Variants in RSU1 observed in about 807,000 individuals in gnomAD.
The protein encoded by RSU1 is rsu-1.
In RSU1, 26 loss-of-function variants were observed where a neutral mutation model predicts 31.1. That is an observed-to-expected ratio of 0.84 (90% CI 0.61 to 1.16). RSU1 has a LOEUF of 1.16. Among genes scored for constraint, RSU1 ranks in the 50% most tolerant of loss-of-function variants. RSU1 has a pLI of 0.00. For synonymous variants in RSU1, 164 were observed against 136.3 expected (o/e 1.20, Z -1.41); for missense variants, 320 against 339.1 (o/e 0.94, Z 0.44).
At chr10:16,707,437 T>C (rs66837659) in intron 7 of RSU1, among the ~76,000 whole-genome samples, 20,900 of 152,160 alleles carry the variant, frequency 0.14, 1,619 homozygotes, top group Middle Eastern at 0.19. Context: ...TGAGGTGGTA[T>C]TTTATCGTGG....
At chr10:16,652,194 G>A (rs1834696224) in intron 8 of RSU1, among the ~76,000 whole-genome samples, 1 of 152,030 alleles carries the variant, frequency 6.6e-6, no homozygotes, top group Non-Finnish European at 1.5e-5. Flanking sequence ...GCATCACCTG[G>A]AAATGAGGAA....
rs114847417 is a variant in RSU1 at position 16,643,474 on chromosome 10, A to G, written c.732-49978T>C. 3.3e-3 allele frequency among the ~76,000 whole-genome samples: 510 copies of G among 152,340 alleles called. 4 individuals carry two copies. The highest frequency in any genetic ancestry group is 0.012 in the African/African-American group (485 of 41,568). ...AAAATATATAAATTATATATTACAT[A>G]CAAAATTAGGTTAGAAACAAGTATA... On this transcript the variant is annotated intron_variant, in intron 8 of 8. Coordinates refer to ENST00000345264, the MANE Select transcript of RSU1 (RefSeq NM_012425.4).
At chr10:16,679,056 C>T in intron 8 of RSU1, among the ~76,000 whole-genome samples, 1 of 152,058 alleles carries the variant, frequency 6.6e-6, no homozygotes, top group East Asian at 1.9e-4. Context: ...TAACGAAGCA[C>T]CATAGGGAAG....
intron 7 of RSU1, among the ~76,000 whole-genome samples, chr10:16,718,097 TAAAAA>T (rs11411668): frequency 7.3e-6 from 1 of 136,202 alleles, no homozygotes; most frequent in African/African-American, 2.7e-5. Flanking sequence ...TCAATTTATT[TAAAAA>T]AAAAAAAAAA....
At chr10:16,596,539 C>T (rs1211166673) in intron 8 of RSU1, among the ~76,000 whole-genome samples, 1 of 152,172 alleles carries the variant, frequency 6.6e-6, no homozygotes, top group Non-Finnish European at 1.5e-5. Flanking sequence ...CCTCACCTGG[C>T]AGGAAGCAAG....
At chr10:16,662,888 AT>A (rs1192847858) in intron 8 of RSU1, among the ~76,000 whole-genome samples, 1 of 152,138 alleles carries the variant, frequency 6.6e-6, no homozygotes, top group Non-Finnish European at 1.5e-5. Context: ...GAAGTTAAAG[AT>A]AAGATTAAAT....
At position 16,814,231 on chromosome 10, in the gene RSU1, G is replaced by C. The variant is rs146974232; in HGVS notation, c.109+2742C>G. 4.7e-3 allele frequency among the ~76,000 whole-genome samples: 722 copies of C among 152,214 alleles called. 6 individuals are homozygous for C. The highest frequency in any genetic ancestry group is 0.017 in the African/African-American group (692 of 41,530). On this transcript the variant is annotated intron_variant, in intron 2 of 8. Transcript: ENST00000345264. ...AAGATGGGGGCACTCCTTGAGCCCA[G>C]GAGTTTGAGGCCAGCCTGGGCAGCA...
At chr10:16,734,465 G>A (rs531681087) in intron 7 of RSU1, among the ~76,000 whole-genome samples, 4 of 152,274 alleles carry the variant, frequency 2.6e-5, no homozygotes, top group Admixed American at 6.5e-5. Context: ...TATTTGGGGC[G>A]GGAATTCTGC....
chr10:16,814,451 GAAAAAAAAAAA>G (rs369214166), intron 2 of RSU1, among the ~76,000 whole-genome samples: 2 of 121,202 alleles, frequency 1.7e-5, no homozygotes, highest in African/African-American at 6.6e-5. Context: ...CTGTTTTCAG[GAAAAAAAAAAA>G]AAAAAAGAAA....
intron 8 of RSU1, among the ~76,000 whole-genome samples, chr10:16,690,495 C>A (rs1015630702): frequency 6.6e-6 from 1 of 152,190 alleles, no homozygotes; most frequent in Non-Finnish European, 1.5e-5. Context: ...AAGAACTATA[C>A]CTCACCATCC....
At chr10:16,609,839 TG>T (rs1367880012) in intron 8 of RSU1, among the ~76,000 whole-genome samples, 1 of 152,248 alleles carries the variant, frequency 6.6e-6, no homozygotes, top group Non-Finnish European at 1.5e-5. Context: ...TCTCATAAGC[TG>T]TTTCTAAAAT....
chr10:16,710,348 T>C (rs77242771), intron 7 of RSU1, among the ~76,000 whole-genome samples: 203 of 152,364 alleles, frequency 1.3e-3, no homozygotes, highest in African/African-American at 4.7e-3. Context: ...AACACTGGTA[T>C]GAGTAATACT....
chr10:16,683,365 T>C (rs77595094), intron 8 of RSU1, among the ~76,000 whole-genome samples: 2,133 of 152,314 alleles, frequency 0.014, 50 homozygotes, highest in African/African-American at 0.047. Context: ...TTTCATTCTA[T>C]TGTGTTTGTA....
chr10:16,635,348 T>C (rs954057594), intron 8 of RSU1, among the ~76,000 whole-genome samples: 4 of 152,208 alleles, frequency 2.6e-5, no homozygotes, highest in African/African-American at 9.7e-5. Context: ...CTTTCCTCTC[T>C]CTGCAAAACT....
In RSU1 at chr10:16,708,498, T is replaced by C. The variant is rs182329814; in HGVS notation, c.599-13343A>G. On this transcript the variant is annotated intron_variant, in intron 7 of 8. Transcript: ENST00000345264. ...GTTCTTTAGGAGTCAACTGTACATT[T>C]TGAACTTGGTTGGTGTGATACCTGC... Among the ~76,000 whole-genome samples the C allele has an allele frequency of 8.0e-4, 122 of 152,254 alleles. 1 individual carries two copies. The highest frequency in any genetic ancestry group is 5.8e-3 in the East Asian group (30 of 5,186).
intron 2 of RSU1, among the ~76,000 whole-genome samples, chr10:16,800,663 G>A (rs576287650): frequency 4.1e-4 from 63 of 152,166 alleles, no homozygotes; most frequent in Non-Finnish European, 8.4e-4. Context: ...GAATGATACC[G>A]ATTCTATAAA....
Position 16,710,406 on chromosome 10 carries a change from T to C in RSU1, c.599-15251A>G, listed in dbSNP as rs371571712. 3.3e-5 allele frequency among the ~76,000 whole-genome samples: 5 copies of C among 152,354 alleles called. No homozygotes were observed. In the South Asian group the frequency reaches 6.2e-4, roughly 19 times the overall value. On this transcript the variant is annotated intron_variant, in intron 7 of 8. Transcript: ENST00000345264. ...TAATGTGCTGCTGGATTCAGTTTGT[T>C]AATATCTTATTAAGAATTTCTGCAT...
chr10:16,748,798 G>A (rs1169683208), intron 7 of RSU1, among the ~76,000 whole-genome samples: 2 of 151,964 alleles, frequency 1.3e-5, no homozygotes, highest in Non-Finnish European at 2.9e-5. Context: ...TGCATAAAGG[G>A]CACCACCCTA....
chr10:16,647,560 T>G (rs893450364), intron 8 of RSU1, among the ~76,000 whole-genome samples: 1 of 152,124 alleles, frequency 6.6e-6, no homozygotes, highest in Non-Finnish European at 1.5e-5. Context: ...TATTCAGACA[T>G]AAAAAGGAAT....
Sources: allele counts gnomAD v4.1 joint callset (sites outside exome capture counted in the v4.1 genomes callset), GRCh38; gene constraint gnomAD v4.1.1; transcripts MANE v1.5; gene names NCBI Gene and HGNC (gene_info 2026-07-23, HGNC 2026-07-21).